The following SHB variants were observed in gnomAD, a reference collection of about 807,000 sequenced individuals.
The protein encoded by SHB is SH2 domain containing adaptor protein B.
Under a neutral mutation model 52.3 loss-of-function variants are expected in SHB, and 20 were observed. The observed-to-expected ratio is 0.38, with a 90% confidence interval of 0.27 to 0.56. The LOEUF (loss-of-function observed/expected upper bound fraction) is 0.56. Ranked by LOEUF, SHB falls within the 20% of genes least tolerant of loss-of-function variation. The pLI, the probability that SHB is intolerant of heterozygous loss-of-function variation, is 0.71. For missense variants in SHB, 825 were observed against 723.3 expected, an observed-to-expected ratio of 1.14 and a Z score of -1.61; for synonymous variants, 397 against 316.5, an observed-to-expected ratio of 1.25 and a Z score of -2.70.
At chr9:38,013,681 G>A (rs887487668) in intron 2 of SHB, among the ~76,000 whole-genome samples, 3 of 152,238 alleles carry the variant, frequency 2.0e-5, no homozygotes, top group African/African-American at 4.8e-5. Flanking sequence ...GCAGCACCCA[G>A]TAGGGAACTC....
intron 5 of SHB, among the ~76,000 whole-genome samples, chr9:37,947,172 C>T (rs1186946740): frequency 2.6e-5 from 4 of 152,212 alleles, no homozygotes; most frequent in African/African-American, 9.6e-5. Context: ...ACGAATTATG[C>T]AGGCACCAGC....
intron 1 of SHB, among the ~76,000 whole-genome samples, chr9:38,034,320 C>T (rs1821454777): frequency 6.6e-6 from 1 of 152,220 alleles, no homozygotes; most frequent in South Asian, 2.1e-4. Context: ...AACACAGCTT[C>T]CCACAGCCAA....
intron 1 of SHB, among the ~76,000 whole-genome samples, chr9:38,025,562 G>C (rs572337516): frequency 2.6e-5 from 4 of 152,316 alleles, no homozygotes; most frequent in Non-Finnish European, 5.9e-5. Flanking sequence ...AAGGGTAAGG[G>C]GAAGGTACTA....
At chr9:37,995,611 T>G (rs950107747) in intron 2 of SHB, among the ~76,000 whole-genome samples, 3 of 152,190 alleles carry the variant, frequency 2.0e-5, no homozygotes, top group Admixed American at 2.0e-4. Context: ...CCTCCTCCAC[T>G]AGCGGGGAGC....
intron 1 of SHB, among the ~76,000 whole-genome samples, chr9:38,039,862 AGAG>A (rs1821550076): frequency 6.6e-6 from 1 of 152,188 alleles, no homozygotes; most frequent in African/African-American, 2.4e-5. Context: ...GGGCGAGGGG[AGAG>A]GAGGAGAAAT....
intron 1 of SHB, among the ~76,000 whole-genome samples, chr9:38,054,280 A>G (rs978685366): frequency 1.3e-5 from 2 of 152,208 alleles, no homozygotes; most frequent in Middle Eastern, 3.2e-3. Flanking sequence ...AGGGGCCAAG[A>G]AGCAGGACAG....
Position 37,955,973 on chromosome 9 carries a change from C to G in SHB, c.1136G>C (p.Gly379Ala). 8.1e-6 allele frequency: 13 copies of G among 1,608,966 alleles called. No individual in the cohort carries two copies. The highest frequency in any genetic ancestry group is 1.0e-5 in the Non-Finnish European group (12 of 1,178,212). ...CCCATGTTTGATAGGCTTAAAGCCC[C>G]CTCCAGGGGCACGAAGCTGGCGCCG... ...DRRRQLRAPG[G>A]GFKPIKHGSP... Residue 379 changes from glycine (G) to alanine (A), a missense_variant, in exon 4 of 6, where the codon GGG becomes GCG. Gly to Ala is a moderately conservative substitution (Grantham distance 60). Coordinates refer to ENST00000377707, the MANE Select transcript of SHB (RefSeq NM_003028.3).
At chr9:37,929,812 G>A (rs7027227) in intron 5 of SHB, among the ~76,000 whole-genome samples, 2 of 152,212 alleles carry the variant, frequency 1.3e-5, no homozygotes, top group South Asian at 2.1e-4. Flanking sequence ...CACATGAAAA[G>A]AGAAAAGGAA....
chr9:37,998,485 C>T (rs1441169930), intron 2 of SHB, among the ~76,000 whole-genome samples: 2 of 152,224 alleles, frequency 1.3e-5, no homozygotes, highest in African/African-American at 2.4e-5. Context: ...CAGGGTCTGG[C>T]TCTGTCACCT....
Position 37,927,940 on chromosome 9 carries a change from CTCTT to C in SHB, c.1347-7940_1347-7937del, listed in dbSNP as rs202184247. 1.6e-4 allele frequency among the ~76,000 whole-genome samples: 24 copies of C among 151,412 alleles called. No homozygotes were observed. The East Asian group carries it at 3.3e-3, about 21-fold the overall frequency. On this transcript the variant is annotated intron_variant, in intron 5 of 5. Transcript: ENST00000377707. Reference sequence around the variant, plus strand: ...GCTTCTTTCTTTCCTTCCTCTCTTTCTCTTTCTCTCTTTTTTTTTTTTCTACCTC... The same window carrying C: ...GCTTCTTTCTTTCCTTCCTCTCTTTCTCTCTCTTTTTTTTTTTTCTACCTC...
At chr9:37,969,876 C>G (rs1428150418) in intron 3 of SHB, among the ~76,000 whole-genome samples, 1 of 152,254 alleles carries the variant, frequency 6.6e-6, no homozygotes, top group East Asian at 1.9e-4. Context: ...CGTGTGGGCC[C>G]AAGCTGCACC....
intron 2 of SHB, among the ~76,000 whole-genome samples, chr9:38,007,437 G>A (rs1243435909): frequency 2.6e-5 from 4 of 152,226 alleles, no homozygotes; most frequent in South Asian, 2.1e-4. Flanking sequence ...TATGCAGTCC[G>A]CCGGCTGCGG....
intron 2 of SHB, among the ~76,000 whole-genome samples, chr9:37,983,107 T>C (rs185082474): frequency 6.6e-6 from 1 of 152,182 alleles, no homozygotes; most frequent in East Asian, 1.9e-4. Context: ...AAGCTCTTGG[T>C]AGGAGAAGGC....
At chr9:37,989,305 T>C (rs1161635432) in intron 2 of SHB, among the ~76,000 whole-genome samples, 7 of 152,172 alleles carry the variant, frequency 4.6e-5, no homozygotes, top group African/African-American at 1.7e-4. Context: ...GAGGGATCCG[T>C]CTGCCCCTTC....
intron 2 of SHB, among the ~76,000 whole-genome samples, chr9:37,987,798 C>T (rs1014864402): frequency 2.6e-5 from 4 of 152,248 alleles, no homozygotes; most frequent in East Asian, 3.9e-4. Context: ...ATTCTAGATG[C>T]GTCAGAGGGG....
At chr9:38,021,534 G>A (rs1821282357) in intron 1 of SHB, among the ~76,000 whole-genome samples, 1 of 152,034 alleles carries the variant, frequency 6.6e-6, no homozygotes, top group Admixed American at 6.6e-5. Context: ...TGGGCGTGGT[G>A]GTGCATGCCT....
chr9:37,949,867 G>T (rs952982180), intron 4 of SHB, among the ~76,000 whole-genome samples: 2 of 152,220 alleles, frequency 1.3e-5, no homozygotes, highest in Non-Finnish European at 2.9e-5. Flanking sequence ...CAGAATCTGA[G>T]GGGAGGAGTG....
intron 5 of SHB, among the ~76,000 whole-genome samples, chr9:37,932,273 CAAAAAAAAAAAA>C (rs56281324): frequency 1.8e-5 from 1 of 56,714 alleles, no homozygotes; most frequent in Non-Finnish European, 3.3e-5. Flanking sequence ...AACTCCATCT[CAAAAAAAAAAAA>C]AAAAAAAAAG....
At chr9:38,045,550 G>A (rs576891491) in intron 1 of SHB, among the ~76,000 whole-genome samples, 7 of 152,096 alleles carry the variant, frequency 4.6e-5, no homozygotes, top group South Asian at 2.1e-4. Context: ...GGTAGAGGTC[G>A]CAGTGAGCCG....
Sources: allele counts gnomAD v4.1 joint callset (sites outside exome capture counted in the v4.1 genomes callset), GRCh38; gene constraint gnomAD v4.1.1; transcripts MANE v1.5; gene names NCBI Gene and HGNC (gene_info 2026-07-23, HGNC 2026-07-21).